FHOD3: variants seen among roughly 807,000 people sequenced by gnomAD.
The protein encoded by FHOD3 is formin homology 2 domain containing 3.
A neutral mutation model predicts 173.0 loss-of-function variants in FHOD3; 90 were observed. The ratio of observed to expected loss-of-function variants is 0.52; its 90% confidence interval spans 0.44 to 0.62. The LOEUF (loss-of-function observed/expected upper bound fraction) is 0.62, where lower values mean the gene tolerates loss of function less well. FHOD3 is among the 20% of genes least tolerant of loss of function. The pLI is 0.00. For missense variants in FHOD3, 1,945 were observed against 2,034.7 expected (o/e 0.96, Z 0.85); for synonymous variants, 828 against 823.0 (o/e 1.01, Z -0.10).
intron 1 of FHOD3, among the ~76,000 whole-genome samples, chr18:36,344,189 A>T (rs1178715675): frequency 3.9e-5 from 6 of 152,252 alleles, no homozygotes; most frequent in African/African-American, 1.4e-4. Context: ...TCACTAAAGA[A>T]ATACTAAAGA....
chr18:36,454,280 G>T (rs1242981735), intron 3 of FHOD3, among the ~76,000 whole-genome samples: 1 of 151,762 alleles, frequency 6.6e-6, no homozygotes, highest in Admixed American at 6.6e-5. Flanking sequence ...ACACAAGAGG[G>T]TACACACAGT....
chr18:36,568,268 G>GCAGAGTTTGCAGCGAACTGAGATGGCAC (rs2058338508), intron 5 of FHOD3, among the ~76,000 whole-genome samples: 1 of 140,774 alleles, frequency 7.1e-6, no homozygotes, highest in Non-Finnish European at 1.5e-5. Context: ...AACCGGGGAG[G>GCAGAGTTTGCAGCGAACTGAGATGGCAC]CAGAGTTTGC....
chr18:36,455,960 T>C (rs912480805), intron 3 of FHOD3, among the ~76,000 whole-genome samples: 2 of 152,152 alleles, frequency 1.3e-5, no homozygotes, highest in African/African-American at 4.8e-5. Context: ...CGCCCCCTAG[T>C]GCAGAAGGTC....
chr18:36,486,858 A>C (rs1451232344), intron 3 of FHOD3, among the ~76,000 whole-genome samples: 1 of 152,232 alleles, frequency 6.6e-6, no homozygotes, highest in Non-Finnish European at 1.5e-5. Context: ...TTGTCACTAT[A>C]GATCAGATTT....
chr18:36,763,115 T>C (rs942439227), intron 27 of FHOD3, among the ~76,000 whole-genome samples: 1 of 135,632 alleles, frequency 7.4e-6, no homozygotes, highest in African/African-American at 2.6e-5. Context: ...ACGTTATATA[T>C]AATATGTGTA....
At chr18:36,379,123 C>T (rs1423924195) in intron 3 of FHOD3, among the ~76,000 whole-genome samples, 5 of 152,150 alleles carry the variant, frequency 3.3e-5, no homozygotes, top group Admixed American at 6.5e-5. Flanking sequence ...TAAAGAGTGG[C>T]TTTACCATCT....
rs565491081 is a variant in FHOD3 at position 36,763,522 on chromosome 18, TATATA to T, written c.4624+2745_4624+2749del. Reference sequence around the variant, plus strand: ...TATAATATGTGTATTATACACGTTATATATAATATGTGTATTATACACGTTATATA... The same window carrying T: ...TATAATATGTGTATTATACACGTTATATATGTGTATTATACACGTTATATA... On this transcript the variant is annotated intron_variant, in intron 27 of 28. Coordinates refer to ENST00000590592, the MANE Select transcript of FHOD3 (RefSeq NM_001281740.3). 3.0e-3 allele frequency among the ~76,000 whole-genome samples: 423 copies of T among 142,442 alleles called. 5 individuals carry two copies. Among genetic ancestry groups the T allele is most frequent in the African/African-American group, 9.7e-3 (385 of 39,676 alleles). 93.4% of individuals were successfully genotyped at this position (142,442 alleles called of 152,430 possible). A position where few individuals can be genotyped will look rare whatever the true frequency, so the allele number is the denominator to read the frequency against.
intron 17 of FHOD3, among the ~76,000 whole-genome samples, chr18:36,694,089 G>C (rs1024323897): frequency 6.6e-6 from 1 of 152,164 alleles, no homozygotes; most frequent in Non-Finnish European, 1.5e-5. Flanking sequence ...TCTGCATACT[G>C]TGGGTCCGTT....
At chr18:36,736,432 A>T (rs1404651353) in intron 20 of FHOD3, among the ~76,000 whole-genome samples, 2 of 152,184 alleles carry the variant, frequency 1.3e-5, no homozygotes, top group African/African-American at 4.8e-5. Flanking sequence ...GTCCAGAAAA[A>T]ATCAGGTCAC....
chr18:36,477,171 G>A (rs2053618001), intron 3 of FHOD3, among the ~76,000 whole-genome samples: 1 of 152,106 alleles, frequency 6.6e-6, no homozygotes, highest in African/African-American at 2.4e-5. Flanking sequence ...GACCTGTGGG[G>A]TGTGCACAAG....
chr18:36,542,454 C>CA (rs1220398145), intron 5 of FHOD3, among the ~76,000 whole-genome samples: 2 of 151,938 alleles, frequency 1.3e-5, no homozygotes, highest in Non-Finnish European at 1.5e-5. Context: ...CAAGTCAAAA[C>CA]AAAAAATTAA....
chr18:36,325,725 T>C (rs530545818), intron 1 of FHOD3, among the ~76,000 whole-genome samples: 95 of 152,336 alleles, frequency 6.2e-4, no homozygotes, highest in Non-Finnish European at 8.1e-4. Flanking sequence ...TTCTTCTTAC[T>C]CTGTTGCAAA....
At chr18:36,565,434 A>G (rs1464911911) in intron 5 of FHOD3, among the ~76,000 whole-genome samples, 2 of 152,214 alleles carry the variant, frequency 1.3e-5, no homozygotes, top group Non-Finnish European at 2.9e-5. Context: ...AATTGAAGAA[A>G]GCAGTGCCTA....
chr18:36,364,137 A>G (rs1046730658), intron 2 of FHOD3, among the ~76,000 whole-genome samples: 1 of 152,164 alleles, frequency 6.6e-6, no homozygotes, highest in Non-Finnish European at 1.5e-5. Context: ...CCCTTGTCAT[A>G]TCAAGACAGG....
chr18:36,531,559 G>A (rs1001127279), intron 5 of FHOD3, among the ~76,000 whole-genome samples: 1 of 152,180 alleles, frequency 6.6e-6, no homozygotes, highest in Admixed American at 6.5e-5. Flanking sequence ...GGGCTCATCT[G>A]GAGGGACAGA....
intron 5 of FHOD3, among the ~76,000 whole-genome samples, chr18:36,546,286 C>A (rs1457647447): frequency 3.3e-5 from 5 of 152,180 alleles, no homozygotes; most frequent in African/African-American, 1.2e-4. Context: ...TACTTAATGG[C>A]ACCTTGGCCT....
At chr18:36,409,881 A>G (rs2049265190) in intron 3 of FHOD3, among the ~76,000 whole-genome samples, 1 of 152,092 alleles carries the variant, frequency 6.6e-6, no homozygotes, top group Non-Finnish European at 1.5e-5. Flanking sequence ...TGTTGACCTA[A>G]TATGTTGCTG....
At chr18:36,539,828 C>T (rs546220312) in intron 5 of FHOD3, among the ~76,000 whole-genome samples, 1 of 152,240 alleles carries the variant, frequency 6.6e-6, no homozygotes, top group East Asian at 1.9e-4. Context: ...CAAGAATGGA[C>T]AGCAGTGATG....
At chr18:36,404,606 G>A (rs147969902) in intron 3 of FHOD3, among the ~76,000 whole-genome samples, 25 of 152,264 alleles carry the variant, frequency 1.6e-4, no homozygotes, top group Non-Finnish European at 2.9e-4. Flanking sequence ...GGTCTCGGGC[G>A]GGGCCTGAGA....
Sources: allele counts gnomAD v4.1 joint callset (sites outside exome capture counted in the v4.1 genomes callset), GRCh38; gene constraint gnomAD v4.1.1; transcripts MANE v1.5; gene names NCBI Gene and HGNC (gene_info 2026-07-23, HGNC 2026-07-21).